Variants in KLF8 observed in about 807,000 individuals in gnomAD.
KLF8 encodes KLF transcription factor 8, also known as Krueppel-like factor 8.
KLF8 carries 10 observed loss-of-function variants against 18.2 expected under a neutral mutation model. The observed-to-expected ratio is 0.55, with a 90% confidence interval of 0.34 to 0.93. KLF8 has a LOEUF of 0.93. KLF8 is among the 40% of genes least tolerant of loss of function. KLF8 has a pLI of 0.02. For synonymous variants in KLF8, 109 were observed against 97.3 expected (o/e 1.12, Z -0.71); for missense variants, 264 against 277.9 (o/e 0.95, Z 0.36).
At chrX:56,167,503 G>A in the KLF8 span, among the ~76,000 whole-genome samples, 2 of 111,925 alleles carry the variant, frequency 1.8e-5, no homozygotes, top group African/African-American at 3.2e-5. Flanking sequence ...TAACTCTACC[G>A]TATTAGCTGG....
the KLF8 span, chrX:55,961,392 A>G: frequency 2.0e-6 from 1 of 495,835 alleles, no homozygotes. Flanking sequence ...TGAATCTGGG[A>G]GTTTGTGTCT....
At chrX:56,176,366 T>C in the KLF8 span, among the ~76,000 whole-genome samples, 1 of 111,772 alleles carries the variant, frequency 8.9e-6, no homozygotes, top group African/African-American at 3.3e-5. Context: ...TTCTGAAGCT[T>C]AGTTTGGCTG....
At chrX:56,229,937 A>G (rs1462532689), upstream of KLF8, among the ~76,000 whole-genome samples, 2 of 112,477 alleles carry the variant, frequency 1.8e-5, no homozygotes, top group Non-Finnish European at 3.8e-5. Flanking sequence ...CAATAACTTC[A>G]AGTTTTCCAA....
At chrX:55,938,992 T>C in the KLF8 span, among the ~76,000 whole-genome samples, 1 of 111,395 alleles carries the variant, frequency 9.0e-6, no homozygotes, top group African/African-American at 3.3e-5. Flanking sequence ...CAGGGATGTC[T>C]AGGAAATGAA....
chrX:56,116,433 G>A, the KLF8 span, among the ~76,000 whole-genome samples: 223 of 110,887 alleles, frequency 2.0e-3, no homozygotes, highest in Non-Finnish European at 3.7e-3. Context: ...TCACCCTGGT[G>A]GCCTTTTCTG....
intron 1 of KLF8, among the ~76,000 whole-genome samples, chrX:56,247,968 C>T (rs895912978): frequency 3.6e-5 from 4 of 111,780 alleles, no homozygotes; most frequent in Non-Finnish European, 7.5e-5. Flanking sequence ...TGACTGACAG[C>T]ACAGTCGATT....
At chrX:56,078,625 A>C in the KLF8 span, among the ~76,000 whole-genome samples, 2 of 111,880 alleles carry the variant, frequency 1.8e-5, no homozygotes, top group Admixed American at 1.9e-4. Flanking sequence ...TGTCTCTGCC[A>C]GGCTTTGGTA....
At chrX:56,257,242 T>C (rs1266113147) in intron 2 of KLF8, among the ~76,000 whole-genome samples, 4 of 111,453 alleles carry the variant, frequency 3.6e-5, no homozygotes, top group Admixed American at 9.6e-5. Flanking sequence ...TCACTGAGAA[T>C]GATCCTTGTG....
At chrX:55,933,735 A>G in the KLF8 span, among the ~76,000 whole-genome samples, 1 of 112,021 alleles carries the variant, frequency 8.9e-6, no homozygotes, top group African/African-American at 3.2e-5. Context: ...TTTCTGTCTT[A>G]TGGAGTAAAG....
chrX:56,206,128 A>G, the KLF8 span, among the ~76,000 whole-genome samples: 1 of 111,209 alleles, frequency 9.0e-6, no homozygotes, highest in African/African-American at 3.3e-5. Flanking sequence ...CACCCCTATG[A>G]TTCAATTATC....
the KLF8 span, among the ~76,000 whole-genome samples, chrX:56,048,293 T>G: frequency 4.6e-4 from 52 of 112,270 alleles, no homozygotes; most frequent in East Asian, 5.6e-4. Context: ...TTGTCAATTT[T>G]GGCTTTTGTT....
the KLF8 span, among the ~76,000 whole-genome samples, chrX:56,173,839 G>C: frequency 1.8e-5 from 2 of 111,371 alleles, no homozygotes; most frequent in Non-Finnish European, 3.8e-5. Flanking sequence ...GGATTCCTAG[G>C]TATTTTATTC....
the KLF8 span, among the ~76,000 whole-genome samples, chrX:55,910,291 G>A: frequency 8.9e-6 from 1 of 111,958 alleles, no homozygotes; most frequent in Non-Finnish European, 1.9e-5. Flanking sequence ...AGACTCTGGG[G>A]AAAATATGCC....
chrX:56,060,496 T>A, the KLF8 span, among the ~76,000 whole-genome samples: 74 of 112,031 alleles, frequency 6.6e-4, no homozygotes, highest in Non-Finnish European at 1.5e-4. Flanking sequence ...ATTTATTAAT[T>A]TGTGTACGTT....
the KLF8 span, among the ~76,000 whole-genome samples, chrX:56,012,857 A>C: frequency 1.8e-5 from 2 of 112,098 alleles, no homozygotes; most frequent in African/African-American, 6.5e-5. Context: ...AGAAAAAAAA[A>C]CTATTCTAAA....
At chrX:56,128,083 AG>A in the KLF8 span, among the ~76,000 whole-genome samples, 1 of 111,717 alleles carries the variant, frequency 9.0e-6, no homozygotes, top group African/African-American at 3.3e-5. Context: ...TGAGGGGTGA[AG>A]GGTGGTGGTA....
chrX:56,140,921 A>G, the KLF8 span, among the ~76,000 whole-genome samples: 2 of 110,940 alleles, frequency 1.8e-5, no homozygotes, highest in Non-Finnish European at 3.8e-5. Context: ...TTAAAAATTG[A>G]CAATCTAAGT....
At chrX:56,211,370 C>A in the KLF8 span, among the ~76,000 whole-genome samples, 1 of 112,456 alleles carries the variant, frequency 8.9e-6, no homozygotes, top group East Asian at 2.8e-4. Context: ...CTTACTTTCT[C>A]CCAAACATAC....
chrX:56,037,904 G>T, the KLF8 span, among the ~76,000 whole-genome samples: 1 of 111,656 alleles, frequency 9.0e-6, no homozygotes, highest in Non-Finnish European at 1.9e-5. Flanking sequence ...CTGTCAAATA[G>T]TAGGTCTTAT....
Sources: gnomAD v4.1 joint callset for allele counts (sites outside exome capture counted in the v4.1 genomes callset) on GRCh38, gnomAD v4.1.1 for gene constraint, MANE v1.5 for transcripts, NCBI Gene and HGNC (gene_info 2026-07-23, HGNC 2026-07-21) for gene names.